ECT2L: variants seen among roughly 807,000 people sequenced by gnomAD.
ECT2L encodes the protein epithelial cell-transforming sequence 2 oncogene-like.
ECT2L carries 126 observed loss-of-function variants against 122.8 expected under a neutral mutation model. That is an observed-to-expected ratio of 1.03 (90% CI 0.89 to 1.19). ECT2L has a LOEUF of 1.19. ECT2L is among the 50% of genes most tolerant of loss of function. The pLI, the probability that ECT2L is intolerant of heterozygous loss-of-function variation, is 0.00. For synonymous variants in ECT2L, 385 were observed against 381.8 expected (o/e 1.01, Z -0.10); for missense variants, 1,012 against 1,064.1 (o/e 0.95, Z 0.68).
intron 13 of ECT2L, among the ~76,000 whole-genome samples, chr6:138,872,247 C>T (rs1291710211): frequency 2.6e-5 from 4 of 152,220 alleles, no homozygotes; most frequent in African/African-American, 9.6e-5. Flanking sequence ...CAGGAAACTT[C>T]TCAGGCAGAG....
chr6:138,864,003 A>T (rs1388285743), intron 11 of ECT2L, among the ~76,000 whole-genome samples: 13 of 9,698 alleles, frequency 1.3e-3, no homozygotes, highest in Admixed American at 2.4e-3. Flanking sequence ...CTCCGTATTT[A>T]AAAAAAAAAA....
At chr6:138,883,542 C>T (rs1200165928) in intron 16 of ECT2L, among the ~76,000 whole-genome samples, 8 of 152,172 alleles carry the variant, frequency 5.3e-5, no homozygotes, top group Admixed American at 2.0e-4. Flanking sequence ...TGTGACCACT[C>T]GTCTTCACTG....
At position 138,813,334 on chromosome 6, in the gene ECT2L, TAGAC is replaced by T. The variant is rs1321736306; in HGVS notation, c.63_66del (p.Arg21SerfsTer10). On this transcript the variant is annotated frameshift_variant and splice_region_variant, in exon 3 of 22. Coordinates refer to ENST00000541398, the MANE Select transcript of ECT2L (RefSeq NM_001077706.3). LOFTEE classifies it high-confidence loss of function. Reference sequence around the variant, plus strand: ...CACCTTTTAGCAACAAGTCATTAAATAGACAGGTAAGTTACATACTTTAAAACAG... The same window carrying T: ...CACCTTTTAGCAACAAGTCATTAAATAGGTAAGTTACATACTTTAAAACAG... The T allele has an allele frequency of 5.6e-6, 9 of 1,610,302 alleles. No individual in the cohort carries two copies. In the Admixed American group the frequency reaches 1.2e-4, roughly 21 times the overall value.
At chr6:138,833,451 C>T (rs374567854) in intron 4 of ECT2L, among the ~76,000 whole-genome samples, 4 of 152,246 alleles carry the variant, frequency 2.6e-5, no homozygotes, top group Admixed American at 6.5e-5. Context: ...CACATTTGTA[C>T]GGCCATCGGT....
At chr6:138,869,562 G>A (rs1778172066) in intron 13 of ECT2L, among the ~76,000 whole-genome samples, 1 of 152,208 alleles carries the variant, frequency 6.6e-6, no homozygotes, top group East Asian at 1.9e-4. Context: ...AAGGCCTTTG[G>A]CGAGCCTTGC....
chr6:138,838,582 G>A (rs1294680438), intron 5 of ECT2L, 68 bp downstream of exon 5: 2 of 1,460,972 alleles, frequency 1.4e-6, no homozygotes, highest in Admixed American at 2.4e-5. Context: ...AGGCTACTGG[G>A]GTAGCTCCCG....
At chr6:138,811,417 G>C (rs1388515227) in intron 1 of ECT2L, among the ~76,000 whole-genome samples, 1 of 152,204 alleles carries the variant, frequency 6.6e-6, no homozygotes, top group Non-Finnish European at 1.5e-5. Flanking sequence ...TACTGGTTAT[G>C]AACTGAGATG....
chr6:138,859,819 TTTC>T (rs1160795497), intron 10 of ECT2L, among the ~76,000 whole-genome samples: 2 of 151,022 alleles, frequency 1.3e-5, no homozygotes, highest in Non-Finnish European at 2.9e-5. Context: ...TCTTTTTTTT[TTTC>T]TTCTTTTTTT....
At chr6:138,893,413 A>ATTT (rs202147997) in intron 20 of ECT2L, among the ~76,000 whole-genome samples, 1 of 148,354 alleles carries the variant, frequency 6.7e-6, no homozygotes, top group Non-Finnish European at 1.5e-5. Flanking sequence ...ATATATATAT[A>ATTT]TTTTTTTATT....
At chr6:138,848,391 T>C (rs992106993) in intron 8 of ECT2L, among the ~76,000 whole-genome samples, 2 of 152,120 alleles carry the variant, frequency 1.3e-5, no homozygotes, top group Non-Finnish European at 2.9e-5. Flanking sequence ...TTTTCTATAA[T>C]GAAGTTATAT....
chr6:138,871,765 A>G (rs1354384705), intron 13 of ECT2L, among the ~76,000 whole-genome samples: 1 of 152,030 alleles, frequency 6.6e-6, no homozygotes, highest in Admixed American at 6.6e-5. Context: ...AGATCGCGCC[A>G]TTGCACTCCA....
At chr6:138,854,271 C>CT (rs552531973) in intron 10 of ECT2L, 117 bp downstream of exon 10, 143 of 1,267,876 alleles carry the variant, frequency 1.1e-4, no homozygotes, top group Admixed American at 9.7e-4. Context: ...GCTTCAATTT[C>CT]TTTTTTCTTT....
chr6:138,858,501 A>G (rs1265825341), intron 10 of ECT2L, among the ~76,000 whole-genome samples: 1 of 152,116 alleles, frequency 6.6e-6, no homozygotes, highest in Non-Finnish European at 1.5e-5. Flanking sequence ...AAAGTGTGCA[A>G]TTGACTAAAT....
intron 1 of ECT2L, among the ~76,000 whole-genome samples, chr6:138,809,546 C>T (rs188437217): frequency 6.6e-6 from 1 of 152,188 alleles, no homozygotes; most frequent in Admixed American, 6.5e-5. Flanking sequence ...ATGAGAAGTA[C>T]ATTGATTTTG....
At chr6:138,829,323 A>G (rs1776571966) in intron 4 of ECT2L, among the ~76,000 whole-genome samples, 1 of 152,216 alleles carries the variant, frequency 6.6e-6, no homozygotes, top group Non-Finnish European at 1.5e-5. Flanking sequence ...TCTTATAAGT[A>G]TCTTATAAGG....
At chr6:138,824,925 G>A (rs1421279550) in intron 4 of ECT2L, among the ~76,000 whole-genome samples, 3 of 152,180 alleles carry the variant, frequency 2.0e-5, no homozygotes, top group African/African-American at 7.2e-5. Flanking sequence ...TTGGCCCTAA[G>A]TTATTATGAA....
At chr6:138,830,010 C>T (rs551910121) in intron 4 of ECT2L, among the ~76,000 whole-genome samples, 1 of 152,156 alleles carries the variant, frequency 6.6e-6, no homozygotes, top group Non-Finnish European at 1.5e-5. Context: ...AGGCGTGAGC[C>T]ACCGCGCCCA....
intron 4 of ECT2L, among the ~76,000 whole-genome samples, chr6:138,824,242 A>G (rs1020882077): frequency 6.1e-4 from 92 of 151,860 alleles, no homozygotes; most frequent in African/African-American, 2.1e-3. Context: ...AAGGGTACCC[A>G]GGACCACTCT....
chr6:138,866,750 C>CA (rs1476057876), intron 12 of ECT2L, among the ~76,000 whole-genome samples: 1 of 152,160 alleles, frequency 6.6e-6, no homozygotes, highest in Admixed American at 6.5e-5. Context: ...TGTATGTTTG[C>CA]ATGTTATTTA....
Sources: allele counts gnomAD v4.1 joint callset (sites outside exome capture counted in the v4.1 genomes callset), GRCh38; gene constraint gnomAD v4.1.1; transcripts MANE v1.5; gene names NCBI Gene and HGNC (gene_info 2026-07-23, HGNC 2026-07-21).